The following LRMDA variants were observed in gnomAD, a reference collection of about 807,000 sequenced individuals.
LRMDA encodes leucine-rich melanocyte differentiation-associated protein.
Under a neutral mutation model 29.8 loss-of-function variants are expected in LRMDA, and 18 were observed. That is an observed-to-expected ratio of 0.60 (90% CI 0.42 to 0.90). LRMDA has a LOEUF of 0.90. LRMDA is among the 40% of genes least tolerant of loss of function. The pLI is 0.00. For missense variants in LRMDA, 273 were observed against 273.9 expected (o/e 1.00, Z 0.02); for synonymous variants, 125 against 109.4 (o/e 1.14, Z -0.89).
intron 5 of LRMDA, among the ~76,000 whole-genome samples, chr10:76,286,500 C>T (rs1840273020): frequency 6.6e-6 from 1 of 152,314 alleles, no homozygotes; most frequent in African/African-American, 2.4e-5. Context: ...ATCTTAGCAG[C>T]TCTGCTGAGT....
At chr10:76,061,286 C>T (rs574458807) in intron 5 of LRMDA, among the ~76,000 whole-genome samples, 2 of 152,260 alleles carry the variant, frequency 1.3e-5, no homozygotes, top group South Asian at 4.1e-4. Context: ...AAAACAAATA[C>T]ATATTCTTAC....
chr10:76,152,103 TCAC>T (rs1487628076), intron 5 of LRMDA, among the ~76,000 whole-genome samples: 15 of 152,296 alleles, frequency 9.8e-5, no homozygotes, highest in African/African-American at 3.6e-4. Context: ...TGTGCAACTG[TCAC>T]CACTATTCAA....
intron 2 of LRMDA, among the ~76,000 whole-genome samples, chr10:75,945,822 C>A (rs996284405): frequency 5.9e-5 from 9 of 151,536 alleles, no homozygotes; most frequent in African/African-American, 1.9e-4. Flanking sequence ...GGCCCCTAGA[C>A]CCTCAGTTTG....
chr10:75,486,067 A>G (rs1844909441), intron 2 of LRMDA, among the ~76,000 whole-genome samples: 1 of 152,152 alleles, frequency 6.6e-6, no homozygotes, highest in Admixed American at 6.5e-5. Context: ...TATGGGTTCT[A>G]ATACACAGTG....
At chr10:75,906,877 A>G (rs1367750804) in intron 2 of LRMDA, among the ~76,000 whole-genome samples, 2 of 83,070 alleles carry the variant, frequency 2.4e-5, no homozygotes, top group African/African-American at 9.5e-5. Context: ...TTGGGGGTGC[A>G]AGGTTGAACA....
chr10:76,099,681 T>C (rs1247263254), intron 5 of LRMDA, among the ~76,000 whole-genome samples: 1 of 152,198 alleles, frequency 6.6e-6, no homozygotes, highest in Non-Finnish European at 1.5e-5. Flanking sequence ...TTCATATACT[T>C]GGCAATATTC....
Position 75,948,584 on chromosome 10 carries a change from T to C in LRMDA, c.132-87424T>C, listed in dbSNP as rs17435787. The stretch of plus-strand genomic sequence containing the variant: ...CCGACCAAGGTAAAATAGATGAGCG[T>C]ATGTTGGCGACAGATTAAAAAGACT... On this transcript the variant is annotated intron_variant, in intron 2 of 6. Transcript: ENST00000611255. Among the ~76,000 whole-genome samples the C allele has an allele frequency of 2.3e-3, 345 of 152,290 alleles. 2 individuals carry two copies. In the South Asian group the frequency reaches 0.028, roughly 12 times the overall value.
At chr10:75,800,431 TC>T (rs1843727966) in intron 2 of LRMDA, among the ~76,000 whole-genome samples, 2 of 125,494 alleles carry the variant, frequency 1.6e-5, no homozygotes, top group Non-Finnish European at 1.9e-5. Flanking sequence ...AGTCTGATAA[TC>T]TTTTTCTTTT....
At chr10:75,556,478 T>C (rs925230098) in intron 2 of LRMDA, among the ~76,000 whole-genome samples, 2 of 152,182 alleles carry the variant, frequency 1.3e-5, no homozygotes, top group African/African-American at 2.4e-5. Context: ...TGATTAATCG[T>C]CACATCTGCG....
chr10:76,110,267 C>G (rs1385647656), intron 5 of LRMDA, among the ~76,000 whole-genome samples: 1 of 152,218 alleles, frequency 6.6e-6, no homozygotes. Flanking sequence ...CAGCATTTCT[C>G]AAAGCCATCC....
chr10:75,528,655 A>T (rs559858961), intron 2 of LRMDA, among the ~76,000 whole-genome samples: 2 of 152,300 alleles, frequency 1.3e-5, no homozygotes, highest in Admixed American at 1.3e-4. Context: ...AGCCAAGAAT[A>T]GAGAATAGTT....
rs78970022 is a variant in LRMDA, at chr10:75,482,750, A to G, written c.131+44256A>G. ...ATAAGGATACATTTTAAGTTCAATT[A>G]TAATACTTCACTGACCTGAAACAAA... On this transcript the variant is annotated intron_variant, in intron 2 of 6. Coordinates refer to ENST00000611255, the MANE Select transcript of LRMDA (RefSeq NM_001305581.2). Among the ~76,000 whole-genome samples, 718 of 152,332 alleles carry G rather than the reference A, an allele frequency of 4.7e-3. 9 individuals are homozygous for G. The highest frequency in any genetic ancestry group is 0.016 in the African/African-American group (682 of 41,570).
intron 2 of LRMDA, among the ~76,000 whole-genome samples, chr10:75,918,447 C>T (rs1014348428): frequency 7.2e-5 from 11 of 151,812 alleles, no homozygotes; most frequent in Admixed American, 2.0e-4. Flanking sequence ...CAGGAGCGAG[C>T]GAGAGAGAGG....
At chr10:76,282,381 T>C (rs1840217346) in intron 5 of LRMDA, among the ~76,000 whole-genome samples, 2 of 152,206 alleles carry the variant, frequency 1.3e-5, no homozygotes, top group African/African-American at 4.8e-5. Context: ...CATAGGCTTG[T>C]GTTCCACCAG....
intron 2 of LRMDA, among the ~76,000 whole-genome samples, chr10:75,786,411 C>T (rs1035655221): frequency 2.0e-5 from 3 of 152,090 alleles, no homozygotes; most frequent in Non-Finnish European, 4.4e-5. Flanking sequence ...GAGCAATTTC[C>T]ACTTTTCATT....
intron 5 of LRMDA, among the ~76,000 whole-genome samples, chr10:76,175,930 A>G (rs1850925320): frequency 6.6e-6 from 1 of 152,214 alleles, no homozygotes; most frequent in South Asian, 2.1e-4. Flanking sequence ...CAGAGAACAG[A>G]AACAGGGCCA....
rs867321415 is a variant in LRMDA at position 76,147,158 on chromosome 10, G to A, written c.516+88375G>A. ...CAACTTTGGTGAATCTGACAATTAT[G>A]TGTCTTGGAGTTGCTCCTCTTGAGG... On this transcript the variant is annotated intron_variant, in intron 5 of 6. Transcript: ENST00000611255. Among the ~76,000 whole-genome samples, 271 of 152,256 alleles carry A rather than the reference G, an allele frequency of 1.8e-3. 1 individual carries two copies. The highest frequency in any genetic ancestry group is 6.0e-3 in the African/African-American group (251 of 41,538).
chr10:76,368,306 G>T (rs1415466841), intron 6 of LRMDA, among the ~76,000 whole-genome samples: 1 of 152,032 alleles, frequency 6.6e-6, no homozygotes, highest in Non-Finnish European at 1.5e-5. Flanking sequence ...TGTCACTATT[G>T]TCATTCAGTT....
intron 2 of LRMDA, among the ~76,000 whole-genome samples, chr10:75,592,811 A>G (rs1163420670): frequency 1.3e-5 from 2 of 152,198 alleles, no homozygotes; most frequent in African/African-American, 4.8e-5. Context: ...AAGAGTAATA[A>G]TAGGTGCTGT....
Sources: gnomAD v4.1 joint callset for allele counts (sites outside exome capture counted in the v4.1 genomes callset) on GRCh38, gnomAD v4.1.1 for gene constraint, MANE v1.5 for transcripts, NCBI Gene and HGNC (gene_info 2026-07-23, HGNC 2026-07-21) for gene names.